Variants in KCNT1 observed in about 807,000 individuals in gnomAD.
The protein encoded by KCNT1 is potassium channel subfamily T member 1.
In KCNT1, 78 loss-of-function variants were observed where a neutral mutation model predicts 147.8. The observed-to-expected ratio is 0.53, with a 90% CI of 0.44 to 0.64. KCNT1 has a LOEUF of 0.64. Among genes scored for constraint, KCNT1 ranks in the 30% least tolerant of loss-of-function variants. KCNT1 has a pLI of 0.00. For missense variants in KCNT1, 1,419 were observed against 1,750.3 expected (o/e 0.81, Z 3.38); for synonymous variants, 867 against 748.8 (o/e 1.16, Z -2.58).
intron 29 of KCNT1, chr9:135,789,140 T>A (rs1834306530): frequency 6.6e-6 from 1 of 152,264 alleles, no homozygotes; most frequent in South Asian, 2.1e-4. Context: ...GCGGCCTTCA[T>A]GAGTGGGATG....
At position 135,750,952 on chromosome 9, in the gene KCNT1, C is replaced by G. The variant is rs779555407; in HGVS notation, c.345C>G (p.Ile115Met). ...CTGCCCTCCCCGCAGGCCTGAGGAT[C>G]CGGCTGTTCAACTTCTCCCTGAAGC... is the stretch of plus-strand genomic sequence containing the variant. ...FIKNQRSSLR[I>M]RLFNFSLKLL... The change falls in exon 4 of 31, where the codon ATC becomes ATG. Residue 115 changes from isoleucine (I) to methionine (M), a missense_variant. Coordinates refer to ENST00000371757, the MANE Select transcript of KCNT1 (RefSeq NM_020822.3). 1.2e-6 allele frequency: 2 copies of G among 1,613,186 alleles called. No homozygotes were observed. The highest frequency in any genetic ancestry group is 1.7e-6 in the Non-Finnish European group (2 of 1,179,862).
chr9:135,792,871 G>C lies in KCNT1; in HGVS notation c.*710G>C, dbSNP rs1476946245. The C allele has an allele frequency of 2.6e-5, 4 of 152,154 alleles. No homozygotes were observed. Among genetic ancestry groups the C allele is most frequent in the African/African-American group, 9.7e-5 (4 of 41,406 alleles). The allele number at this position is 152,154 out of a possible 1,614,324, so 9.4% of individuals were successfully genotyped here. A position where few individuals can be genotyped will look rare whatever the true frequency, so the allele number is the denominator to read the frequency against. ...GAACTGTCCCAGCCACTGCATCTAG[G>C]GGGCATTGGGCGGAAGATGGTGCAT... is the stretch of plus-strand genomic sequence containing the variant. On this transcript the variant is annotated 3_prime_UTR_variant, in exon 31 of 31. Transcript: ENST00000371757.
chr9:135,721,891 G>C (rs528332459), intron 2 of KCNT1, among the ~76,000 whole-genome samples: 1 of 152,216 alleles, frequency 6.6e-6, no homozygotes, highest in Admixed American at 6.5e-5. Flanking sequence ...GAGTCAGGGT[G>C]GGGGAAGGTG....
At chr9:135,786,618 G>A in intron 29 of KCNT1, 97 bp downstream of exon 29, 2 of 1,164,876 alleles carry the variant, frequency 1.7e-6, no homozygotes, top group South Asian at 1.6e-5. Flanking sequence ...CGGGGCCCGG[G>A]CCGTCCTCCT....
chr9:135,706,760 AC>A (rs1200899685), intron 1 of KCNT1, among the ~76,000 whole-genome samples: 1 of 152,106 alleles, frequency 6.6e-6, no homozygotes, highest in Non-Finnish European at 1.5e-5. Context: ...AGACCACCAC[AC>A]CCAGCAGCTT....
Position 135,764,894 on chromosome 9 carries a change from C to T in KCNT1, c.1036-137C>T, listed in dbSNP as rs1425698353. The T allele has an allele frequency of 1.0e-5, 8 of 792,824 alleles. No individual in the cohort carries two copies. In the South Asian group the frequency reaches 1.3e-4, roughly 13 times the overall value. 49.1% of individuals were successfully genotyped at this position (792,824 alleles called of 1,614,324 possible). A position where few individuals can be genotyped will look rare whatever the true frequency, so the allele number is the denominator to read the frequency against. ...CAGTTTCCATGTGGGAAAGGCCCCC[C>T]TAATGTAGGTGTCACCCCCCGGCCG... On this transcript the variant is annotated intron_variant, in intron 11 of 30. Transcript: ENST00000371757.
chr9:135,764,800 T>G (rs1295481333), intron 11 of KCNT1, among the ~76,000 whole-genome samples: 1 of 152,138 alleles, frequency 6.6e-6, no homozygotes, highest in African/African-American at 2.4e-5. Flanking sequence ...CCCTCCTCCC[T>G]TGGTCCCCAC....
intron 2 of KCNT1, among the ~76,000 whole-genome samples, chr9:135,749,153 C>T (rs1831004994): frequency 6.6e-6 from 1 of 152,200 alleles, no homozygotes; most frequent in East Asian, 1.9e-4. Context: ...CCTAGCCTGG[C>T]CCGCATCCCA....
At chr9:135,709,203 C>T (rs1156342257) in intron 1 of KCNT1, among the ~76,000 whole-genome samples, 2 of 152,188 alleles carry the variant, frequency 1.3e-5, no homozygotes, top group South Asian at 2.1e-4. Context: ...GGAAAGCGGT[C>T]GTGTTTAGTT....
At chr9:135,767,991 C>T (rs1010837193) in intron 13 of KCNT1, among the ~76,000 whole-genome samples, 4 of 150,800 alleles carry the variant, frequency 2.7e-5, no homozygotes, top group African/African-American at 4.9e-5. Context: ...TGCACACACT[C>T]GGGGGACAGG....
chr9:135,703,323 C>T (rs1401559751), intron 1 of KCNT1, among the ~76,000 whole-genome samples: 3 of 152,174 alleles, frequency 2.0e-5, no homozygotes, highest in African/African-American at 4.8e-5. Flanking sequence ...TACCTGAGAG[C>T]GGGAGGCCTG....
chr9:135,788,138 C>T (rs1588412829), intron 29 of KCNT1: 9 of 1,612,848 alleles, frequency 5.6e-6, no homozygotes, highest in Non-Finnish European at 6.8e-6. Context: ...TGTCATGAAT[C>T]GGGTAAACCT....
rs36102040 is a variant in KCNT1, at chr9:135,742,887, TG to T, written c.255-7205del. The T allele has an allele frequency of 1.2e-4, 86 of 709,330 alleles. 1 individual carries two copies. The highest frequency in any genetic ancestry group is 1.9e-4 in the Non-Finnish European group (71 of 381,196). The allele number at this position is 709,330 out of a possible 1,614,324, so 43.9% of individuals were successfully genotyped here. A position where few individuals can be genotyped will look rare whatever the true frequency, so the allele number is the denominator to read the frequency against. On this transcript the variant is annotated intron_variant, in intron 2 of 30. Coordinates refer to ENST00000371757, the MANE Select transcript of KCNT1 (RefSeq NM_020822.3). ...TTAGAGGTGTGAGAGCCCTTGTTTC[TG>T]GGGGGTCCCCTCAACCCAGCATCCC...
intron 29 of KCNT1, among the ~76,000 whole-genome samples, chr9:135,788,351 G>A (rs1167175887): frequency 2.6e-5 from 4 of 152,382 alleles, no homozygotes; most frequent in South Asian, 4.1e-4. Flanking sequence ...CTGGCTGGGC[G>A]TTGAGGACGG....
chr9:135,759,695 C>A lies in KCNT1; in HGVS notation c.871C>A (p.His291Asn). 6.2e-7 allele frequency: 1 copy of A among 1,609,202 alleles called. No homozygotes were observed. Among genetic ancestry groups the A allele is most frequent in the East Asian group, 2.2e-5 (1 of 44,814 alleles). ...LVFTGTCGIQ[H>N]LERAGENLSL... ...GGGTTGCAGGACCTGCGGCATCCAG[C>A]ACCTGGAGCGGGCGGGCGAGAACCT... The change falls in exon 11 of 31, where the codon CAC becomes AAC. Residue 291 changes from histidine (H) to asparagine (N), a missense_variant. Coordinates refer to ENST00000371757, the MANE Select transcript of KCNT1 (RefSeq NM_020822.3).
chr9:135,743,402 TC>T (rs1830659393), intron 2 of KCNT1, among the ~76,000 whole-genome samples: 1 of 151,854 alleles, frequency 6.6e-6, no homozygotes, highest in Non-Finnish European at 1.5e-5. Context: ...GGCTTACTGT[TC>T]CATGCACGGC....
intron 2 of KCNT1, among the ~76,000 whole-genome samples, chr9:135,722,665 GC>G (rs1835970155): frequency 6.6e-6 from 1 of 152,226 alleles, no homozygotes; most frequent in African/African-American, 2.4e-5. Flanking sequence ...GGATCAAGGC[GC>G]CGGCGGACCA....
At chr9:135,765,249 G>A (rs941652342) in intron 12 of KCNT1, 54 bp downstream of exon 12, 83 of 1,531,384 alleles carry the variant, frequency 5.4e-5, no homozygotes, top group East Asian at 5.2e-4. Context: ...CCCTAGAGAC[G>A]CCATCCTCTC....
chr9:135,785,293 G>A lies in KCNT1; in HGVS notation c.3157-17G>A, dbSNP rs753593622. 3.7e-5 allele frequency: 60 copies of A among 1,612,608 alleles called. 1 individual carries two copies. The highest frequency in any genetic ancestry group is 8.9e-5 in the East Asian group (4 of 44,892). On this transcript the variant is annotated splice_polypyrimidine_tract_variant and intron_variant, in intron 27 of 30. Coordinates refer to ENST00000371757, the MANE Select transcript of KCNT1 (RefSeq NM_020822.3). ...GGTGCGCCCACAGGTCCCAGACTGC[G>A]CCTGTTTCCTTTGCAGCCCCACGAC...
Sources: allele counts gnomAD v4.1 joint callset (sites outside exome capture counted in the v4.1 genomes callset), GRCh38; gene constraint gnomAD v4.1.1; transcripts MANE v1.5; gene names NCBI Gene and HGNC (gene_info 2026-07-23, HGNC 2026-07-21).